The following SEZ6 variants were observed in gnomAD, a reference collection of about 807,000 sequenced individuals.
SEZ6 encodes seizure related 6 homolog, also known as seizure protein 6 homolog.
A neutral mutation model predicts 101.0 loss-of-function variants in SEZ6; 53 were observed. That is an observed-to-expected ratio of 0.52 (90% CI 0.42 to 0.66). SEZ6 has a LOEUF of 0.66. Ranked by LOEUF, SEZ6 falls within the 30% of genes least tolerant of loss-of-function variation. The pLI is 0.00. For synonymous variants in SEZ6, 488 were observed against 512.2 expected (o/e 0.95, Z 0.64); for missense variants, 1,102 against 1,289.4 (o/e 0.85, Z 2.23).
chr17:29,005,078 GGTGTGTGTGTGTGTGTGTGTGT>G lies in SEZ6; in HGVS notation c.55+715_55+736del, dbSNP rs58063439. 6.4e-3 allele frequency among the ~76,000 whole-genome samples: 888 copies of G among 137,758 alleles called. 7 individuals carry two copies. Among genetic ancestry groups the G allele is most frequent in the African/African-American group, 0.024 (865 of 36,168 alleles). 90.4% of individuals were successfully genotyped at this position (137,758 alleles called of 152,430 possible). A position where few individuals can be genotyped will look rare whatever the true frequency, so the allele number is the denominator to read the frequency against. On this transcript the variant is annotated intron_variant, in intron 1 of 16. Coordinates refer to ENST00000317338, the MANE Select transcript of SEZ6 (RefSeq NM_178860.5). This position sits in a 1 kb window ranked among gnomAD's most constrained non-coding sequence, Gnocchi z 4.8. ...GGAGGGAGGCAGAGCTCGGGGCAGT[GGTGTGTGTGTGTGTGTGTGTGT>G]GTGTGTGTGTGTGTGTGTACAAGGA...
rs1476049681 is a variant in SEZ6, at chr17:29,005,080, TG to T, written c.55+734del. On this transcript the variant is annotated intron_variant, in intron 1 of 16. Transcript: ENST00000317338. The surrounding 1 kb of genome is among the most constrained non-coding windows in gnomAD (Gnocchi z 4.8). Reference sequence around the variant, plus strand: ...AGGGAGGCAGAGCTCGGGGCAGTGGTGTGTGTGTGTGTGTGTGTGTGTGTGT... The same window carrying T: ...AGGGAGGCAGAGCTCGGGGCAGTGGTTGTGTGTGTGTGTGTGTGTGTGTGT... Among the ~76,000 whole-genome samples, 7 of 14,936 alleles carry T rather than the reference TG, an allele frequency of 4.7e-4. No individual in the cohort carries two copies. Among genetic ancestry groups the T allele is most frequent in the Non-Finnish European group, 1.1e-3 (5 of 4,518 alleles). 9.8% of individuals were successfully genotyped at this position (14,936 alleles called of 152,430 possible). A position where few individuals can be genotyped will look rare whatever the true frequency, so the allele number is the denominator to read the frequency against.
At chr17:28,985,379 T>C (rs1355275940) in intron 1 of SEZ6, among the ~76,000 whole-genome samples, 1 of 152,172 alleles carries the variant, frequency 6.6e-6, no homozygotes, top group Non-Finnish European at 1.5e-5. Context: ...CTGAAGCACA[T>C]CTGAGCCTCA....
Position 29,005,861 on chromosome 17 carries a change from C to G in SEZ6, c.9G>C (p.Pro3=), listed in dbSNP as rs1190643175. 6.8e-7 allele frequency: 1 copy of G among 1,471,928 alleles called. No individual in the cohort carries two copies. The highest frequency in any genetic ancestry group is 1.3e-5 in the South Asian group (1 of 79,654). The allele number at this position is 1,471,928 out of a possible 1,614,324, so 91.2% of individuals were successfully genotyped here. The part of the protein sequence containing the change: MR[P]VALLLLPSLL... ...GCGAGGGCAGGAGCAGCAGGGCTAC[C>G]GGGCGCATGGTGCTGGTTGCGGCCG... Residue 3 remains proline, a synonymous_variant, in exon 1 of 17, where the codon CCG becomes CCC. Transcript: ENST00000317338. The surrounding 1 kb of genome is among the most constrained non-coding windows in gnomAD (Gnocchi z 4.8).
rs935556105 is a variant in SEZ6 at position 29,005,283 on chromosome 17, A to G, written c.55+532T>C. ...GGCGTGGCAGCGCCAGGGCATGGGGAGGTGAGCGAGGTCCCAACCCCGGGT... is the reference window on the plus strand; with the variant it reads ...GGCGTGGCAGCGCCAGGGCATGGGGGGGTGAGCGAGGTCCCAACCCCGGGT... On this transcript the variant is annotated intron_variant, in intron 1 of 16. Coordinates refer to ENST00000317338, the MANE Select transcript of SEZ6 (RefSeq NM_178860.5). The surrounding 1 kb of genome is among the most constrained non-coding windows in gnomAD (Gnocchi z 4.8). Among the ~76,000 whole-genome samples the G allele has an allele frequency of 6.6e-6, 1 of 152,010 alleles. No homozygotes were observed. Among genetic ancestry groups the G allele is most frequent in the African/African-American group, 2.4e-5 (1 of 41,394 alleles).
chr17:28,978,026 C>T (rs1419902883), intron 3 of SEZ6, among the ~76,000 whole-genome samples: 1 of 152,104 alleles, frequency 6.6e-6, no homozygotes, highest in Admixed American at 6.5e-5. Context: ...AGAGGGTCCC[C>T]CTGACAGGGT....
intron 1 of SEZ6, among the ~76,000 whole-genome samples, chr17:28,991,535 A>G (rs1221519064): frequency 1.3e-5 from 2 of 152,212 alleles, no homozygotes; most frequent in African/African-American, 4.8e-5. Context: ...ACATGTGGTC[A>G]GTGGCTACCA....
intron 5 of SEZ6, among the ~76,000 whole-genome samples, chr17:28,962,174 A>C (rs534739664): frequency 4.6e-5 from 7 of 152,260 alleles, no homozygotes; most frequent in Non-Finnish European, 1.0e-4. Flanking sequence ...CTGTGTGCTC[A>C]CTATCTTGTG....
rs1317540261 is a variant in SEZ6 at position 28,981,655 on chromosome 17, G to A, written c.440C>T (p.Pro147Leu). The A allele has an allele frequency of 6.3e-7, 1 of 1,578,404 alleles. No homozygotes were observed. The highest frequency in any genetic ancestry group is 1.3e-5 in the African/African-American group (1 of 74,254). Residue 147 changes from proline (P) to leucine (L), a missense_variant, in exon 2 of 17, where the codon CCT becomes CTT. By Grantham distance (98) the Pro-to-Leu change is moderately conservative. Around this residue, in one of 3 missense-constraint regions of SEZ6, gnomAD observed 406 missense variants for 418.6 expected, o/e 0.97. Transcript: ENST00000317338. ...EGPWSPESES[P>L]MLRITAPLPP... ...TAGGGGAGCTGTGATTCGAAGCATAGGGGACTCTGACTCCGGACTCCAGGG... is the reference window on the plus strand; with the variant it reads ...TAGGGGAGCTGTGATTCGAAGCATAAGGGACTCTGACTCCGGACTCCAGGG...
chr17:28,992,663 C>T (rs547797473), intron 1 of SEZ6, among the ~76,000 whole-genome samples: 10 of 152,306 alleles, frequency 6.6e-5, no homozygotes, highest in Admixed American at 4.6e-4. Flanking sequence ...GACAGCGTCT[C>T]AGGCTCTGGG....
At chr17:28,995,030 G>A (rs892572050) in intron 1 of SEZ6, among the ~76,000 whole-genome samples, 2 of 151,588 alleles carry the variant, frequency 1.3e-5, no homozygotes, top group Non-Finnish European at 2.9e-5. Context: ...CCACCACCAT[G>A]CCTGGCTAAT....
chr17:28,998,462 G>A (rs550180881), intron 1 of SEZ6, among the ~76,000 whole-genome samples: 2 of 152,096 alleles, frequency 1.3e-5, no homozygotes, highest in South Asian at 2.1e-4. Context: ...GGCATTGTGA[G>A]GAGAGATTCT....
chr17:28,983,887 G>T (rs925334283), intron 1 of SEZ6, among the ~76,000 whole-genome samples: 1 of 152,132 alleles, frequency 6.6e-6, no homozygotes, highest in African/African-American at 2.4e-5. Context: ...GCATGAGGAA[G>T]CAGCAGATGG....
At chr17:28,993,456 CCAT>C (rs1176308912) in intron 1 of SEZ6, among the ~76,000 whole-genome samples, 4 of 152,172 alleles carry the variant, frequency 2.6e-5, no homozygotes, top group Admixed American at 6.5e-5. Flanking sequence ...TCTACCACCA[CCAT>C]ATCAGCAGCA....
At chr17:28,972,249 C>G (rs1245988459) in intron 3 of SEZ6, among the ~76,000 whole-genome samples, 1 of 152,256 alleles carries the variant, frequency 6.6e-6, no homozygotes, top group Non-Finnish European at 1.5e-5. Context: ...TGTTGGGTCA[C>G]AGTGCCCTCT....
At chr17:28,972,815 G>C (rs1249408202) in intron 3 of SEZ6, among the ~76,000 whole-genome samples, 1 of 152,146 alleles carries the variant, frequency 6.6e-6, no homozygotes. Flanking sequence ...AGGAATCCTC[G>C]GGGGGAGAGC....
intron 1 of SEZ6, among the ~76,000 whole-genome samples, chr17:29,003,115 G>A (rs558982213): frequency 2.0e-5 from 3 of 152,314 alleles, no homozygotes; most frequent in African/African-American, 7.2e-5. Context: ...CACATGCAGA[G>A]TTTAATTAAC....
At chr17:28,984,149 G>A (rs1257255044) in intron 1 of SEZ6, among the ~76,000 whole-genome samples, 9 of 152,198 alleles carry the variant, frequency 5.9e-5, no homozygotes, top group Admixed American at 5.9e-4. Context: ...TAGATGTCCA[G>A]CCAGGCCCAC....
intron 2 of SEZ6, among the ~76,000 whole-genome samples, chr17:28,980,513 G>A (rs914603520): frequency 6.6e-6 from 1 of 151,834 alleles, no homozygotes; most frequent in Non-Finnish European, 1.5e-5. Context: ...GGGACTACGG[G>A]CACCCCCCAC....
chr17:28,996,775 A>G (rs1216717492), intron 1 of SEZ6, among the ~76,000 whole-genome samples: 1 of 152,162 alleles, frequency 6.6e-6, no homozygotes, highest in African/African-American at 2.4e-5. Flanking sequence ...AACCTCAGGA[A>G]CACCAGATGG....
Sources: allele counts gnomAD v4.1 joint callset (sites outside exome capture counted in the v4.1 genomes callset), GRCh38; gene constraint gnomAD v4.1.1; regional missense constraint gnomAD v4.1.1; non-coding constraint Gnocchi (gnomAD v3.1); transcripts MANE v1.5; gene names NCBI Gene and HGNC (gene_info 2026-07-23, HGNC 2026-07-21).